Variants in PALLD observed in about 807,000 individuals in gnomAD.
PALLD encodes the protein palladin.
Under a neutral mutation model 123.5 loss-of-function variants are expected in PALLD, and 61 were observed. The observed-to-expected ratio is 0.49, with a 90% CI of 0.40 to 0.61. The LOEUF is 0.61. Ranked by LOEUF, PALLD falls within the 20% of genes least tolerant of loss-of-function variation. PALLD has a pLI of 0.00. For missense variants in PALLD, 1,273 were observed against 1,377.0 expected (o/e 0.92, Z 1.20); for synonymous variants, 465 against 496.4 (o/e 0.94, Z 0.84).
chr4:168,715,154 TA>T (rs1785228194), intron 10 of PALLD, among the ~76,000 whole-genome samples: 1 of 152,086 alleles, frequency 6.6e-6, no homozygotes, highest in Non-Finnish European at 1.5e-5. Context: ...GTACCTCTCA[TA>T]AAGTGAGGGT....
At chr4:168,677,184 T>G (rs1322687499) in intron 3 of PALLD, among the ~76,000 whole-genome samples, 1 of 151,974 alleles carries the variant, frequency 6.6e-6, no homozygotes, top group East Asian at 1.9e-4. Context: ...TTGTTTTTTT[T>G]TTTTTCTCCT....
chr4:168,677,193 CT>C (rs1403288012), intron 3 of PALLD, among the ~76,000 whole-genome samples: 1 of 150,368 alleles, frequency 6.7e-6, no homozygotes, highest in Non-Finnish European at 1.5e-5. Flanking sequence ...TTTTTTTCTC[CT>C]GACCAGCAGG....
chr4:168,766,158 A>G (rs573591258), intron 10 of PALLD, among the ~76,000 whole-genome samples: 8 of 152,338 alleles, frequency 5.3e-5, no homozygotes, highest in Admixed American at 2.6e-4. Context: ...TATCAACGCA[A>G]TAATACCAAT....
chr4:168,842,342 C>A (rs1746155729), intron 10 of PALLD, among the ~76,000 whole-genome samples: 1 of 152,256 alleles, frequency 6.6e-6, no homozygotes, highest in South Asian at 2.1e-4. Context: ...TATGAAACCA[C>A]AGGATCTGAC....
intron 2 of PALLD, among the ~76,000 whole-genome samples, chr4:168,524,017 G>A (rs1763819917): frequency 1.3e-5 from 2 of 152,004 alleles, no homozygotes; most frequent in African/African-American, 2.4e-5. Flanking sequence ...CTCTTCTAAG[G>A]GCACTACCTG....
intron 10 of PALLD, among the ~76,000 whole-genome samples, chr4:168,794,692 G>C (rs972171128): frequency 1.3e-5 from 2 of 152,164 alleles, no homozygotes; most frequent in Admixed American, 6.5e-5. Flanking sequence ...AGTGGGTAGA[G>C]TGTTCAGCAT....
intron 10 of PALLD, among the ~76,000 whole-genome samples, chr4:168,863,207 CAGAAAG>C (rs1749750542): frequency 1.3e-5 from 2 of 152,052 alleles, no homozygotes; most frequent in Admixed American, 6.6e-5. Flanking sequence ...ACTGAGGAGT[CAGAAAG>C]AGATCCAAGC....
At chr4:168,779,185 A>G (rs377339615) in intron 10 of PALLD, among the ~76,000 whole-genome samples, 2 of 152,360 alleles carry the variant, frequency 1.3e-5, no homozygotes, top group African/African-American at 4.8e-5. Flanking sequence ...ATAAGGAGGC[A>G]TACATTTGTT....
chr4:168,586,492 G>A (rs1770833116), intron 2 of PALLD, among the ~76,000 whole-genome samples: 1 of 152,194 alleles, frequency 6.6e-6, no homozygotes, highest in Non-Finnish European at 1.5e-5. Flanking sequence ...AATTGTGGGA[G>A]GGAGAGGAGG....
chr4:168,550,690 CA>C (rs767887052), intron 2 of PALLD, among the ~76,000 whole-genome samples: 29 of 152,060 alleles, frequency 1.9e-4, no homozygotes, highest in Non-Finnish European at 3.4e-4. Context: ...GCTGGGCACT[CA>C]AGATCAAATT....
chr4:168,757,722 A>C (rs1484610374), intron 10 of PALLD, among the ~76,000 whole-genome samples: 6 of 152,270 alleles, frequency 3.9e-5, no homozygotes, highest in Non-Finnish European at 4.4e-5. Flanking sequence ...TGACAACGGC[A>C]ATAGTAACAG....
intron 10 of PALLD, among the ~76,000 whole-genome samples, chr4:168,879,185 G>A (rs1752273991): frequency 6.6e-6 from 1 of 152,110 alleles, no homozygotes; most frequent in African/African-American, 2.4e-5. Context: ...GATCTAATAT[G>A]TCTCTCTTTA....
rs1314030069 is a variant in PALLD at position 168,497,066 on chromosome 4, G to C, written c.-211G>C. ...AGTCTGAGGCCACAGTTGCCTCAAA[G>C]TGACCACGGACCAGGCAGTCTCTAA... On this transcript the variant is annotated 5_prime_UTR_variant, in exon 1 of 22. Transcript: ENST00000505667. The C allele has an allele frequency of 1.3e-5, 2 of 152,072 alleles. No individual in the cohort carries two copies. Among genetic ancestry groups the C allele is most frequent in the African/African-American group, 2.4e-5 (1 of 41,406 alleles). The allele number at this position is 152,072 out of a possible 1,614,324, so 9.4% of individuals were successfully genotyped here. A position where few individuals can be genotyped will look rare whatever the true frequency, so the allele number is the denominator to read the frequency against.
At chr4:168,586,459 C>T (rs997545262) in intron 2 of PALLD, among the ~76,000 whole-genome samples, 1 of 152,158 alleles carries the variant, frequency 6.6e-6, no homozygotes, top group Non-Finnish European at 1.5e-5. Flanking sequence ...ATTCGTTTTG[C>T]TGTCGTTGAT....
chr4:168,715,877 A>G (rs1488410971), intron 10 of PALLD, among the ~76,000 whole-genome samples: 1 of 151,864 alleles, frequency 6.6e-6, no homozygotes, highest in Non-Finnish European at 1.5e-5. Context: ...GTGAACCCGG[A>G]GGGCGGAGCC....
chr4:168,708,109 A>G (rs1162708276), intron 8 of PALLD, among the ~76,000 whole-genome samples: 1 of 152,202 alleles, frequency 6.6e-6, no homozygotes, highest in African/African-American at 2.4e-5. Flanking sequence ...GGGCAAGTGA[A>G]TTAACCTTAT....
At chr4:168,725,805 C>T (rs1355307318) in intron 10 of PALLD, among the ~76,000 whole-genome samples, 2 of 152,048 alleles carry the variant, frequency 1.3e-5, no homozygotes, top group Non-Finnish European at 1.5e-5. Context: ...GGATTACAGG[C>T]GTGAGCCACC....
chr4:168,768,672 GT>G, intron 10 of PALLD, among the ~76,000 whole-genome samples: 1 of 152,164 alleles, frequency 6.6e-6, no homozygotes, highest in East Asian at 1.9e-4. Flanking sequence ...TGAATGGTAT[GT>G]TTTTTCTTTT....
intron 1 of PALLD, 44 bp from the exon 2 acceptor site, chr4:168,511,379 G>T: frequency 1.4e-6 from 1 of 701,280 alleles, no homozygotes; most frequent in Non-Finnish European, 2.5e-6. Context: ...ATTAAAATGG[G>T]GAAAAAATCA....
Sources: allele counts gnomAD v4.1 joint callset (sites outside exome capture counted in the v4.1 genomes callset), GRCh38; gene constraint gnomAD v4.1.1; transcripts MANE v1.5; gene names NCBI Gene and HGNC (gene_info 2026-07-23, HGNC 2026-07-21).